Variants in ATP10A observed in about 807,000 individuals in gnomAD.
ATP10A encodes the protein phospholipid-transporting ATPase VA.
A neutral mutation model predicts 147.8 loss-of-function variants in ATP10A; 111 were observed. The ratio of observed to expected loss-of-function variants is 0.75; its 90% CI spans 0.64 to 0.88. ATP10A has a LOEUF of 0.88. ATP10A is among the 40% of genes least tolerant of loss of function. ATP10A has a pLI of 0.00. For synonymous variants in ATP10A, 875 were observed against 841.6 expected, an observed-to-expected ratio of 1.04 and a Z score of -0.69; for missense variants, 1,927 against 1,959.0, an observed-to-expected ratio of 0.98 and a Z score of 0.31.
At chr15:25,768,351 T>C (rs941682842) in intron 2 of ATP10A, among the ~76,000 whole-genome samples, 2 of 152,246 alleles carry the variant, frequency 1.3e-5, no homozygotes, top group South Asian at 2.1e-4. Context: ...GCATTGTCTG[T>C]TTAAAAGAAA....
In ATP10A at chr15:25,694,912, G is replaced by A. The variant is rs147432497; in HGVS notation, c.2995C>T (p.Arg999Cys). Residue 999 changes from arginine to cysteine, a missense_variant, in exon 14 of 21, where the codon CGC becomes TGC. Transcript: ENST00000555815. ...DKFLFLAKQC[R>C]SVLCCRSTPL... is the part of the protein sequence containing the mutation. ...GTCGACCGACAGCAGAGGACGGAGC[G>A]GCACTGCTTGGCAAGGAAGAGGAAT... is the stretch of plus-strand genomic sequence containing the variant. 5.4e-4 allele frequency: 875 copies of A among 1,614,164 alleles called. 1 individual carries two copies. Among genetic ancestry groups the A allele is most frequent in the Non-Finnish European group, 5.8e-4 (684 of 1,180,038 alleles).
chr15:25,758,948 C>T (rs977312301), intron 2 of ATP10A, among the ~76,000 whole-genome samples: 10 of 152,166 alleles, frequency 6.6e-5, no homozygotes, highest in African/African-American at 2.4e-4. Context: ...TCTGCTCTCC[C>T]CTGACTCCCG....
chr15:25,727,044 G>A (rs561167651), intron 4 of ATP10A, 116 bp downstream of exon 4: 7,126 of 711,138 alleles, frequency 0.01, 62 homozygotes, highest in Non-Finnish European at 0.014. Flanking sequence ...GCGACAGTGC[G>A]AGACTCGTCT....
intron 1 of ATP10A, among the ~76,000 whole-genome samples, chr15:25,850,373 A>T (rs1314704481): frequency 2.0e-5 from 3 of 152,178 alleles, no homozygotes; most frequent in African/African-American, 7.2e-5. Context: ...ACCGAGACAG[A>T]CAGCGTGGAT....
chr15:25,800,604 C>A (rs958447680), intron 1 of ATP10A, among the ~76,000 whole-genome samples: 4 of 152,324 alleles, frequency 2.6e-5, no homozygotes, highest in Admixed American at 2.6e-4. Flanking sequence ...AAGCTACATT[C>A]TGACACGGCA....
At chr15:25,752,766 A>G (rs1246471800) in intron 2 of ATP10A, among the ~76,000 whole-genome samples, 2 of 152,176 alleles carry the variant, frequency 1.3e-5, no homozygotes, top group Non-Finnish European at 2.9e-5. Flanking sequence ...TGGCATCCTA[A>G]CACTATGAAA....
At chr15:25,836,077 T>A (rs1892580355) in intron 1 of ATP10A, among the ~76,000 whole-genome samples, 1 of 152,220 alleles carries the variant, frequency 6.6e-6, no homozygotes, top group East Asian at 1.9e-4. Context: ...GCTCCCAAAG[T>A]GCTGGGATTA....
chr15:25,786,647 G>A (rs1353678125), intron 1 of ATP10A, among the ~76,000 whole-genome samples: 2 of 67,734 alleles, frequency 3.0e-5, no homozygotes, highest in Non-Finnish European at 5.4e-5. Flanking sequence ...TTTTTTTGAG[G>A]CGGAGTCTCG....
intron 2 of ATP10A, among the ~76,000 whole-genome samples, chr15:25,753,986 A>G (rs1393200566): frequency 6.6e-6 from 1 of 152,052 alleles, no homozygotes; most frequent in Admixed American, 6.6e-5. Context: ...TGCTGTAGAG[A>G]TGGGAGTCTT....
intron 14 of ATP10A, among the ~76,000 whole-genome samples, 199 bp from the exon 15 acceptor site, chr15:25,691,990 G>A (rs1900064448): frequency 6.6e-6 from 1 of 152,176 alleles, no homozygotes; most frequent in Non-Finnish European, 1.5e-5. Flanking sequence ...GACACCAGGA[G>A]ATGTTTCGGA....
chr15:25,718,330 A>T lies in ATP10A; in HGVS notation c.1433T>A (p.Val478Glu), dbSNP rs994485222. Residue 478 changes from valine (V) to glutamate (E), a missense_variant, in exon 8 of 21, where the codon GTG becomes GAG. Coordinates refer to ENST00000555815, the MANE Select transcript of ATP10A (RefSeq NM_024490.4). Reference sequence around the variant, plus strand: ...GCTGCCGATGCTGCCGCGCTGGGACACCGAGCCCCCTCTGGGCACCACCTC... The same window carrying T: ...GCTGCCGATGCTGCCGCGCTGGGACTCCGAGCCCCCTCTGGGCACCACCTC... ...EEEVVPRGGS[V>E]SQRGSIGSHQ... The T allele has an allele frequency of 1.9e-6, 3 of 1,610,812 alleles. No individual in the cohort carries two copies. Among genetic ancestry groups the T allele is most frequent in the South Asian group, 2.2e-5 (2 of 90,790 alleles).
chr15:25,776,974 T>G (rs963937693), intron 2 of ATP10A, among the ~76,000 whole-genome samples: 1 of 152,144 alleles, frequency 6.6e-6, no homozygotes, highest in Non-Finnish European at 1.5e-5. Flanking sequence ...CCCCCTGGAC[T>G]CATCTCACTG....
At chr15:25,838,505 G>A (rs1892680138) in intron 1 of ATP10A, among the ~76,000 whole-genome samples, 7 of 152,116 alleles carry the variant, frequency 4.6e-5, no homozygotes, top group Admixed American at 4.6e-4. Context: ...AAAGCCTAAG[G>A]GGCCTCTCCC....
At chr15:25,814,435 A>C (rs1303590676) in intron 1 of ATP10A, among the ~76,000 whole-genome samples, 2 of 152,226 alleles carry the variant, frequency 1.3e-5, no homozygotes, top group Non-Finnish European at 2.9e-5. Flanking sequence ...CGTGTACACA[A>C]GGAATGAAAC....
chr15:25,682,469 A>G (rs997988250), intron 17 of ATP10A, among the ~76,000 whole-genome samples: 68 of 152,148 alleles, frequency 4.5e-4, no homozygotes, highest in Admixed American at 1.8e-3. Context: ...GCACTTAGGG[A>G]AAGTGCTGGC....
rs66598588 is a variant in ATP10A at position 25,791,084 on chromosome 15, G to GTT, written c.450-9863_450-9862dup. 1.0e-3 allele frequency among the ~76,000 whole-genome samples: 132 copies of GTT among 129,558 alleles called. 1 individual carries two copies. Among genetic ancestry groups the GTT allele is most frequent in the East Asian group, 1.9e-3 (8 of 4,230 alleles). 85.0% of individuals were successfully genotyped at this position (129,558 alleles called of 152,430 possible). On this transcript the variant is annotated intron_variant, in intron 1 of 20. Transcript: ENST00000555815. ...GTCTTTTTAAAACCTCCCTGCAAGT[G>GTT]TTTTTTTTTTTTTTTTTCAAGACCC... is the stretch of plus-strand genomic sequence containing the variant.
intron 1 of ATP10A, among the ~76,000 whole-genome samples, chr15:25,785,758 G>T (rs190650256): frequency 1.2e-3 from 188 of 152,288 alleles, no homozygotes; most frequent in Non-Finnish European, 1.9e-3. Context: ...CAGGAAGAAC[G>T]GCTGGCTGGG....
In ATP10A at chr15:25,859,298, T is replaced by C. The variant is rs776879737; in HGVS notation, c.449+3350A>G. Among the ~76,000 whole-genome samples, 92 of 152,256 alleles carry C rather than the reference T, an allele frequency of 6.0e-4. No homozygotes were observed. In the Middle Eastern group the frequency reaches 0.01, roughly 17 times the overall value. ...CTGGACACTCAGTGTTGGAGACCGA[T>C]GTCAGCTAAAGGGAAGTCCAAGCCT... On this transcript the variant is annotated intron_variant, in intron 1 of 20. Transcript: ENST00000555815.
At chr15:25,747,268 CAA>C (rs1887894360) in intron 2 of ATP10A, among the ~76,000 whole-genome samples, 1 of 103,162 alleles carries the variant, frequency 9.7e-6, no homozygotes, top group South Asian at 3.1e-4. Context: ...GCCTGGGCAA[CAA>C]GAGCAAAACT....
Sources: gnomAD v4.1 joint callset for allele counts (sites outside exome capture counted in the v4.1 genomes callset) on GRCh38, gnomAD v4.1.1 for gene constraint, MANE v1.5 for transcripts, NCBI Gene and HGNC (gene_info 2026-07-23, HGNC 2026-07-21) for gene names.